The following NLRP14 variants were observed in gnomAD, a reference collection of about 807,000 sequenced individuals.
NLRP14 encodes NLR family pyrin domain containing 14, also known as NACHT, LRR and PYD domains-containing protein 14.
In NLRP14, 105 loss-of-function variants were observed where a neutral mutation model predicts 94.7. The ratio of observed to expected loss-of-function variants is 1.11; its 90% confidence interval spans 0.95 to 1.30. The LOEUF (loss-of-function observed/expected upper bound fraction) is 1.30. Ranked by LOEUF, NLRP14 falls within the 50% of genes most tolerant of loss-of-function variation. NLRP14 has a pLI of 0.00. For synonymous variants in NLRP14, 508 were observed against 459.9 expected (o/e 1.10, Z -1.34); for missense variants, 1,362 against 1,254.1 (o/e 1.09, Z -1.30).
chr11:7,085,219 G>T, the NLRP14 span, among the ~76,000 whole-genome samples: 1 of 152,134 alleles, frequency 6.6e-6, no homozygotes, highest in Non-Finnish European at 1.5e-5. Flanking sequence ...AACCTGTCTG[G>T]TAGTGTTAGG....
intron 1 of NLRP14, among the ~76,000 whole-genome samples, chr11:7,028,961 A>C (rs940014537): frequency 6.6e-6 from 1 of 152,190 alleles, no homozygotes; most frequent in Admixed American, 6.5e-5. Context: ...TGAGAGTAAA[A>C]ATACAAACAA....
At position 7,042,927 on chromosome 11, in the gene NLRP14, G is replaced by C. The variant is rs765889075; in HGVS notation, c.901G>C (p.Ala301Pro). The C allele has an allele frequency of 5.6e-6, 9 of 1,614,028 alleles. No homozygotes were observed. Among genetic ancestry groups the C allele is most frequent in the South Asian group, 5.5e-5 (5 of 91,076 alleles). The change falls in exon 4 of 12, where the codon GCA becomes CCA. Residue 301 changes from alanine to proline, a missense_variant. Physicochemically the swap from Ala to Pro is conservative, Grantham distance 27 (BLOSUM62 -1). Transcript: ENST00000299481. Reference sequence around the variant, plus strand: ...GCTGAGGAAAGTGATGCTCCCTGAGGCATCCTTATTGGTGACAACAAGACT... The same window carrying C: ...GCTGAGGAAAGTGATGCTCCCTGAGCCATCCTTATTGGTGACAACAAGACT... Reference protein sequence around the residue: ...SLLRKVMLPEASLLVTTRLTT... With the variant: ...SLLRKVMLPEPSLLVTTRLTT...
chr11:7,026,020 C>T (rs1331319448), intron 1 of NLRP14, among the ~76,000 whole-genome samples: 2 of 152,172 alleles, frequency 1.3e-5, no homozygotes, highest in Non-Finnish European at 2.9e-5. Context: ...AGAACATTTA[C>T]AAAACTGATT....
In NLRP14 at chr11:7,070,552, G is replaced by T. The variant is rs1308640871; in HGVS notation, c.3146+96G>T. ...CAGGCCTCAGAATCCACCTAATTGT[G>T]TATCATTGGGTATTTTCTAGACACT... On this transcript the variant is annotated intron_variant, in intron 11 of 11. Transcript: ENST00000299481. 2.7e-5 allele frequency: 21 copies of T among 781,442 alleles called. No individual in the cohort carries two copies. The South Asian group carries it at 3.1e-4, about 11-fold the overall frequency. 48.4% of individuals were successfully genotyped at this position (781,442 alleles called of 1,614,324 possible).
At chr11:7,073,733 A>T (rs1489585506), downstream of NLRP14, among the ~76,000 whole-genome samples, 2 of 152,220 alleles carry the variant, frequency 1.3e-5, no homozygotes, top group Non-Finnish European at 2.9e-5. Flanking sequence ...ATTTCAAATG[A>T]TACAAATGAA....
At chr11:7,035,788 G>A (rs984930531) in intron 1 of NLRP14, among the ~76,000 whole-genome samples, 2 of 152,096 alleles carry the variant, frequency 1.3e-5, no homozygotes, top group African/African-American at 2.4e-5. Context: ...ATATTTAGAG[G>A]TCTTCCTCTT....
At chr11:7,041,602 T>C (rs1016071525) in intron 3 of NLRP14, among the ~76,000 whole-genome samples, 1 of 152,212 alleles carries the variant, frequency 6.6e-6, no homozygotes, top group Non-Finnish European at 1.5e-5. Flanking sequence ...TTGACACTTA[T>C]GTGCACGGAA....
At chr11:7,055,350 C>T (rs1005239337) in intron 6 of NLRP14, among the ~76,000 whole-genome samples, 5 of 152,016 alleles carry the variant, frequency 3.3e-5, no homozygotes, top group South Asian at 2.1e-4. Flanking sequence ...CATATAGCTT[C>T]GGCAACAACT....
chr11:7,045,734 T>C (rs1852337898), intron 4 of NLRP14, among the ~76,000 whole-genome samples: 1 of 151,750 alleles, frequency 6.6e-6, no homozygotes, highest in South Asian at 2.1e-4. Context: ...TTACATGTTT[T>C]GTATATATTA....
the NLRP14 span, chr11:7,090,336 C>T: frequency 1.3e-6 from 2 of 1,549,058 alleles, no homozygotes; most frequent in South Asian, 1.2e-5. Flanking sequence ...CCCTTTTCAA[C>T]GAAACTAACA....
chr11:7,040,640 A>G (rs1168407941), intron 3 of NLRP14, among the ~76,000 whole-genome samples: 1 of 152,200 alleles, frequency 6.6e-6, no homozygotes, highest in Non-Finnish European at 1.5e-5. Flanking sequence ...ATATAAATGG[A>G]ATTACAGTAG....
intron 5 of NLRP14, 38 bp from the exon 6 acceptor site, chr11:7,049,633 T>C (rs1357473823): frequency 6.1e-6 from 9 of 1,466,600 alleles, no homozygotes; most frequent in Non-Finnish European, 7.6e-6. Flanking sequence ...AGGAGAGAAA[T>C]GGTTTTGTAA....
At chr11:7,031,233 A>G (rs1852090208) in intron 1 of NLRP14, among the ~76,000 whole-genome samples, 2 of 152,292 alleles carry the variant, frequency 1.3e-5, no homozygotes, top group South Asian at 4.1e-4. Flanking sequence ...GAGGTATGGA[A>G]TGACTCTCCT....
At chr11:7,023,300 TGATA>T (rs1851970042) in intron 1 of NLRP14, among the ~76,000 whole-genome samples, 1 of 147,542 alleles carries the variant, frequency 6.8e-6, no homozygotes, top group African/African-American at 2.5e-5. Flanking sequence ...ATTTTAAGAT[TGATA>T]AAGTATATAT....
At chr11:7,053,695 T>A (rs1404550554) in intron 6 of NLRP14, among the ~76,000 whole-genome samples, 1 of 151,882 alleles carries the variant, frequency 6.6e-6, no homozygotes, top group Non-Finnish European at 1.5e-5. Flanking sequence ...TGTGTATACT[T>A]ACGGGTTACA....
the NLRP14 span, among the ~76,000 whole-genome samples, chr11:7,084,928 G>T: frequency 6.6e-6 from 1 of 152,178 alleles, no homozygotes; most frequent in African/African-American, 2.4e-5. Flanking sequence ...ACTTCAGGTA[G>T]TTAGTGTCAA....
intron 1 of NLRP14, among the ~76,000 whole-genome samples, chr11:7,033,661 C>T (rs1852125506): frequency 6.6e-6 from 1 of 152,148 alleles, no homozygotes; most frequent in Non-Finnish European, 1.5e-5. Flanking sequence ...TCCCTGTAAA[C>T]ATTTTTCTGT....
intron 10 of NLRP14, among the ~76,000 whole-genome samples, chr11:7,069,511 C>A (rs1161480301): frequency 6.6e-6 from 1 of 152,200 alleles, no homozygotes; most frequent in African/African-American, 2.4e-5. Flanking sequence ...CTCCATTAGC[C>A]ATTCTCTTTC....
At chr11:7,089,844 G>C in the NLRP14 span, 17 of 1,611,630 alleles carry the variant, frequency 1.1e-5, no homozygotes, top group Non-Finnish European at 1.4e-5. Flanking sequence ...CACCCACCGC[G>C]ATTACGGCCA....
Sources: gnomAD v4.1 joint callset for allele counts (sites outside exome capture counted in the v4.1 genomes callset) on GRCh38, gnomAD v4.1.1 for gene constraint, MANE v1.5 for transcripts, NCBI Gene and HGNC (gene_info 2026-07-23, HGNC 2026-07-21) for gene names.